ANKEF1: variants seen among roughly 807,000 people sequenced by gnomAD.
ANKEF1 encodes ankyrin repeat and EF-hand domain containing 1.
ANKEF1 carries 43 observed loss-of-function variants against 65.1 expected under a neutral mutation model. The observed-to-expected ratio is 0.66, with a 90% CI of 0.52 to 0.85. The LOEUF (loss-of-function observed/expected upper bound fraction) is 0.85, where lower values mean the gene tolerates loss of function less well. Ranked by LOEUF, ANKEF1 falls within the 40% of genes least tolerant of loss-of-function variation. The pLI, the probability that ANKEF1 is intolerant of heterozygous loss-of-function variation, is 0.00. For missense variants in ANKEF1, 934 were observed against 952.9 expected, an observed-to-expected ratio of 0.98 and a Z score of 0.26; for synonymous variants, 316 against 341.5, an observed-to-expected ratio of 0.93 and a Z score of 0.82.
rs1396805854 is a variant in ANKEF1 at position 10,056,458 on chromosome 20, T to C, written c.*798T>C. ...CTAGAAAGGCAGATAGACAGATATA[T>C]AGATGATAGATAGATAGATGATAGA... is the stretch of plus-strand genomic sequence containing the variant. On this transcript the variant is annotated 3_prime_UTR_variant, in exon 11 of 11. Coordinates refer to ENST00000378392, the MANE Select transcript of ANKEF1 (RefSeq NM_022096.6). 1.6e-5 allele frequency: 1 copy of C among 63,086 alleles called. No homozygotes were observed. The highest frequency in any genetic ancestry group is 3.3e-5 in the Non-Finnish European group (1 of 30,440). 3.9% of individuals were successfully genotyped at this position (63,086 alleles called of 1,614,324 possible). A position where few individuals can be genotyped will look rare whatever the true frequency, so the allele number is the denominator to read the frequency against.
chr20:10,043,268 G>T lies in ANKEF1; in HGVS notation c.493G>T (p.Asp165Tyr), dbSNP rs756391922. Reference protein sequence around the residue: ...RACEDAHDVKDVCLTFLEKGA... With the variant: ...RACEDAHDVKYVCLTFLEKGA... The stretch of plus-strand genomic sequence containing the variant: ...TTGTGAAGATGCACATGATGTTAAA[G>T]ATGTGTGCCTGACATTTTTGGAAAA... Residue 165 changes from aspartate (D) to tyrosine (Y), a missense_variant, in exon 4 of 11, where the codon GAT (aspartate) becomes TAT (tyrosine). Asp to Tyr is a radical substitution (Grantham distance 160). Coordinates refer to ENST00000378392, the MANE Select transcript of ANKEF1 (RefSeq NM_022096.6). The T allele has an allele frequency of 1.2e-6, 2 of 1,614,176 alleles. No individual in the cohort carries two copies. Among genetic ancestry groups the T allele is most frequent in the Non-Finnish European group, 1.7e-6 (2 of 1,180,016 alleles).
At chr20:10,036,187 G>C (rs1462848848) in intron 2 of ANKEF1, among the ~76,000 whole-genome samples, 1 of 152,188 alleles carries the variant, frequency 6.6e-6, no homozygotes, top group African/African-American at 2.4e-5. Context: ...ACAGGAAACC[G>C]ACCCATGGAC....
intron 2 of ANKEF1, among the ~76,000 whole-genome samples, chr20:10,036,218 G>A (rs1983845586): frequency 6.6e-6 from 1 of 152,228 alleles, no homozygotes; most frequent in African/African-American, 2.4e-5. Context: ...CATCACTGTA[G>A]CTGCTAATTA....
rs78284012 is a variant in ANKEF1 at position 10,045,440 on chromosome 20, C to T, written c.697-134C>T. Reference sequence around the variant, plus strand: ...AAACTTAAATATTTTCAGTTTAGTTCATTTCAATTTGAATTTTCAATAGTC... The same window carrying T: ...AAACTTAAATATTTTCAGTTTAGTTTATTTCAATTTGAATTTTCAATAGTC... On this transcript the variant is annotated intron_variant, in intron 5 of 10. Transcript: ENST00000378392. The T allele has an allele frequency of 3.5e-3, 3,113 of 878,142 alleles. 67 individuals are homozygous for T. The African/African-American group carries it at 0.046, about 13-fold the overall frequency. The allele number at this position is 878,142 out of a possible 1,614,324, so 54.4% of individuals were successfully genotyped here.
intron 6 of ANKEF1, among the ~76,000 whole-genome samples, chr20:10,048,404 G>A (rs1037276123): frequency 4.6e-5 from 7 of 151,892 alleles, no homozygotes; most frequent in African/African-American, 1.5e-4. Flanking sequence ...TTTATTCTTT[G>A]TGTTACAAAT....
At chr20:10,039,192 T>C (rs1380146111) in intron 3 of ANKEF1, among the ~76,000 whole-genome samples, 1 of 152,224 alleles carries the variant, frequency 6.6e-6, no homozygotes, top group East Asian at 1.9e-4. Flanking sequence ...ACTTTAGACA[T>C]GACCTTTCAA....
intron 4 of ANKEF1, among the ~76,000 whole-genome samples, chr20:10,043,784 G>C (rs1382251417): frequency 6.7e-6 from 1 of 149,140 alleles, no homozygotes; most frequent in African/African-American, 2.5e-5. Context: ...TCAGCCTCCC[G>C]AGTAGCTGGG....
chr20:10,050,368 C>G (rs1020504283), intron 7 of ANKEF1, among the ~76,000 whole-genome samples, 156 bp downstream of exon 7: 4 of 113,280 alleles, frequency 3.5e-5, no homozygotes, highest in Non-Finnish European at 8.7e-5. Flanking sequence ...TAACAATTAA[C>G]TTATAGGCTT....
chr20:10,051,104 G>A (rs1984834649), intron 7 of ANKEF1, among the ~76,000 whole-genome samples: 1 of 152,060 alleles, frequency 6.6e-6, no homozygotes. Flanking sequence ...AAGATTAGTT[G>A]AAGATTAGAT....
rs772152669 is a variant in ANKEF1, at chr20:10,038,491, G to T, written c.190G>T (p.Val64Phe). 5.6e-6 allele frequency: 9 copies of T among 1,614,180 alleles called. No individual in the cohort carries two copies. The Middle Eastern group carries it at 4.9e-4, about 89-fold the overall frequency. ...CTCAGTTTCCAATGATATTGATATG[G>T]TCAGCTTTCTCCTTGACCTTGGTGC... is the stretch of plus-strand genomic sequence containing the variant. ...LASVSNDIDMVSFLLDLGAHP... is the reference protein window; with the variant it reads ...LASVSNDIDMFSFLLDLGAHP... The change falls in exon 3 of 11, where the codon GTC (valine) becomes TTC (phenylalanine). Residue 64 changes from valine to phenylalanine, a missense_variant. Physicochemically the swap from Val to Phe is conservative, Grantham distance 50 (BLOSUM62 -1). Transcript: ENST00000378392.
intron 4 of ANKEF1, among the ~76,000 whole-genome samples, chr20:10,043,652 C>CTTTTTTTTTTTTTT (rs374135080): frequency 6.1e-5 from 5 of 81,376 alleles, no homozygotes; most frequent in Non-Finnish European, 6.7e-5. Flanking sequence ...TTTTCTTTTC[C>CTTTTTTTTTTTTTT]TTTTTTTTTT....
intron 2 of ANKEF1, among the ~76,000 whole-genome samples, chr20:10,037,083 G>A (rs903545339): frequency 3.3e-5 from 5 of 152,164 alleles, no homozygotes; most frequent in African/African-American, 1.2e-4. Context: ...AGGTGAGGGA[G>A]CAGGCTTGCG....
chr20:10,043,652 C>CTTTT (rs374135080), intron 4 of ANKEF1, among the ~76,000 whole-genome samples: 55 of 81,376 alleles, frequency 6.8e-4, no homozygotes, highest in Non-Finnish European at 9.6e-4. Flanking sequence ...TTTTCTTTTC[C>CTTTT]TTTTTTTTTT....
chr20:10,044,604 AT>A (rs1237999641), intron 5 of ANKEF1, 61 bp downstream of exon 5: 38 of 1,584,000 alleles, frequency 2.4e-5, no homozygotes, highest in African/African-American at 1.8e-4. Flanking sequence ...TTTTTCTCAA[AT>A]TTTTTTATAT....
intron 6 of ANKEF1, among the ~76,000 whole-genome samples, chr20:10,048,947 T>G (rs1266051379): frequency 1.3e-5 from 2 of 152,198 alleles, no homozygotes; most frequent in Non-Finnish European, 2.9e-5. Context: ...ATTTACAGTT[T>G]AAATCATTCA....
At chr20:10,045,082 T>C (rs1984432780) in intron 5 of ANKEF1, among the ~76,000 whole-genome samples, 1 of 152,260 alleles carries the variant, frequency 6.6e-6, no homozygotes, top group African/African-American at 2.4e-5. Flanking sequence ...ATTTCTTTAC[T>C]CAATTTCTTT....
Position 10,038,627 on chromosome 20 carries a change from T to C in ANKEF1, c.326T>C (p.Ile109Thr). The change falls in exon 3 of 11, where the codon ATA (isoleucine) becomes ACA (threonine). Residue 109 changes from isoleucine to threonine, a missense_variant. Coordinates refer to ENST00000378392, the MANE Select transcript of ANKEF1 (RefSeq NM_022096.6). ...ILAKAKADMT[I>T]VDNEGKGVLF... ...GCAAAGGCAAAGGCTGATATGACTA[T>C]AGTTGATAATGAAGGAAAAGGTAAA... The C allele has an allele frequency of 6.3e-7, 1 of 1,594,044 alleles. No homozygotes were observed. Among genetic ancestry groups the C allele is most frequent in the Non-Finnish European group, 8.6e-7 (1 of 1,165,538 alleles).
chr20:10,053,397 C>T, intron 9 of ANKEF1, 122 bp downstream of exon 9: 5 of 736,688 alleles, frequency 6.8e-6, no homozygotes, highest in Non-Finnish European at 1.1e-5. Context: ...GCAGTGCATA[C>T]TTTCAATAGC....
At chr20:10,035,721 C>T (rs1441909825) in intron 2 of ANKEF1, 79 bp downstream of exon 2, 1 of 152,166 alleles carries the variant, frequency 6.6e-6, no homozygotes, top group African/African-American at 2.4e-5. Flanking sequence ...CAACGGATTT[C>T]CCCACCTCAA....
Sources: gnomAD v4.1 joint callset for allele counts (sites outside exome capture counted in the v4.1 genomes callset) on GRCh38, gnomAD v4.1.1 for gene constraint, MANE v1.5 for transcripts, NCBI Gene and HGNC (gene_info 2026-07-23, HGNC 2026-07-21) for gene names.